CNTN4: variants seen among roughly 807,000 people sequenced by gnomAD.
CNTN4 encodes contactin 4, also known as contactin-4.
CNTN4 carries 77 observed loss-of-function variants against 122.5 expected under a neutral mutation model. The observed-to-expected ratio is 0.63, with a 90% CI of 0.52 to 0.76. The LOEUF is 0.76. CNTN4 is among the 30% of genes least tolerant of loss of function. The pLI is 0.00. For synonymous variants in CNTN4, 512 were observed against 447.0 expected, an observed-to-expected ratio of 1.15 and a Z score of -1.83; for missense variants, 1,256 against 1,259.1, an observed-to-expected ratio of 1.00 and a Z score of 0.04.
At chr3:2,803,878 C>A (rs1300027598) in intron 6 of CNTN4, among the ~76,000 whole-genome samples, 1 of 151,904 alleles carries the variant, frequency 6.6e-6, no homozygotes, top group Non-Finnish European at 1.5e-5. Flanking sequence ...TTATGAAGAA[C>A]CGTTACCACA....
chr3:3,018,450 C>G (rs1304459166), intron 14 of CNTN4, among the ~76,000 whole-genome samples: 1 of 152,154 alleles, frequency 6.6e-6, no homozygotes, highest in Admixed American at 6.5e-5. Flanking sequence ...GAGCAACCCT[C>G]CCTTTCCTGT....
chr3:2,371,525 C>A (rs568300563), intron 3 of CNTN4, among the ~76,000 whole-genome samples: 25 of 152,260 alleles, frequency 1.6e-4, no homozygotes, highest in Non-Finnish European at 2.9e-4. Context: ...TTGTCCGTAT[C>A]GTTCAAAGAT....
chr3:2,413,792 C>T (rs559909239), intron 3 of CNTN4, among the ~76,000 whole-genome samples: 6 of 152,260 alleles, frequency 3.9e-5, no homozygotes, highest in South Asian at 2.1e-4. Flanking sequence ...CCACCTGCCT[C>T]GGCCTCCCAA....
At chr3:2,416,707 G>A (rs972354852) in intron 3 of CNTN4, among the ~76,000 whole-genome samples, 1 of 152,064 alleles carries the variant, frequency 6.6e-6, no homozygotes, top group Non-Finnish European at 1.5e-5. Flanking sequence ...AGGCTGGAGT[G>A]CAGTGGTGTG....
intron 13 of CNTN4, among the ~76,000 whole-genome samples, chr3:2,954,752 A>G (rs776730471): frequency 6.6e-6 from 1 of 152,052 alleles, no homozygotes; most frequent in Non-Finnish European, 1.5e-5. Context: ...ACAGGTTACC[A>G]CAATTCCATA....
At chr3:2,402,001 G>C (rs1431194899) in intron 3 of CNTN4, among the ~76,000 whole-genome samples, 1 of 152,132 alleles carries the variant, frequency 6.6e-6, no homozygotes, top group Non-Finnish European at 1.5e-5. Flanking sequence ...CTGCTGGACT[G>C]TAGTCTAATA....
At chr3:2,196,566 T>G (rs1381811408) in intron 2 of CNTN4, among the ~76,000 whole-genome samples, 1 of 152,134 alleles carries the variant, frequency 6.6e-6, no homozygotes, top group Non-Finnish European at 1.5e-5. Context: ...TTTTCCACAA[T>G]TTTTGTTGGT....
intron 2 of CNTN4, among the ~76,000 whole-genome samples, chr3:2,111,283 C>A (rs984879463): frequency 6.6e-6 from 1 of 152,052 alleles, no homozygotes; most frequent in African/African-American, 2.4e-5. Context: ...TGAAATTCAC[C>A]AGCATATTGT....
intron 3 of CNTN4, among the ~76,000 whole-genome samples, chr3:2,556,559 A>G (rs1190072494): frequency 6.6e-6 from 1 of 152,088 alleles, no homozygotes; most frequent in African/African-American, 2.4e-5. Flanking sequence ...TCTTCCACAC[A>G]ACAAATTATA....
intron 2 of CNTN4, among the ~76,000 whole-genome samples, chr3:2,159,013 G>A (rs1472649986): frequency 6.6e-6 from 1 of 152,120 alleles, no homozygotes; most frequent in Non-Finnish European, 1.5e-5. Flanking sequence ...GAGGTCTAGT[G>A]TATGAAGTTG....
At chr3:2,523,034 A>C (rs2077275208) in intron 3 of CNTN4, among the ~76,000 whole-genome samples, 1 of 152,032 alleles carries the variant, frequency 6.6e-6, no homozygotes, top group South Asian at 2.1e-4. Context: ...CTGACATCTG[A>C]GTCTTGTAGA....
chr3:2,355,362 A>G (rs147911684), intron 3 of CNTN4, among the ~76,000 whole-genome samples: 86 of 152,324 alleles, frequency 5.6e-4, no homozygotes, highest in African/African-American at 1.9e-3. Flanking sequence ...ATGTCATTGC[A>G]CACATTTGAT....
intron 4 of CNTN4, among the ~76,000 whole-genome samples, chr3:2,656,714 T>G (rs1036914586): frequency 4.6e-5 from 7 of 152,244 alleles, no homozygotes; most frequent in African/African-American, 1.7e-4. Context: ...TACTAGCTTA[T>G]GTACAAAAAT....
At chr3:2,134,593 A>C (rs557380531) in intron 2 of CNTN4, among the ~76,000 whole-genome samples, 328 of 152,304 alleles carry the variant, frequency 2.2e-3, no homozygotes, top group African/African-American at 7.6e-3. Context: ...AGTGGTTCCC[A>C]ACTAGGGGCA....
intron 4 of CNTN4, among the ~76,000 whole-genome samples, chr3:2,689,178 A>G (rs180704128): frequency 2.6e-4 from 40 of 152,276 alleles, no homozygotes; most frequent in Admixed American, 1.9e-3. Context: ...TTGCTTTGCT[A>G]TTCTTATGGG....
At chr3:2,603,625 G>A (rs2149766115) in intron 4 of CNTN4, among the ~76,000 whole-genome samples, 1 of 152,306 alleles carries the variant, frequency 6.6e-6, no homozygotes, top group Admixed American at 6.5e-5. Flanking sequence ...ATGGCTTAAA[G>A]ATTTTTTGCC....
At chr3:2,229,069 A>G (rs2039390481) in intron 2 of CNTN4, among the ~76,000 whole-genome samples, 1 of 152,152 alleles carries the variant, frequency 6.6e-6, no homozygotes, top group Admixed American at 6.5e-5. Context: ...GAATTGGCCT[A>G]TAGGGACTTT....
intron 9 of CNTN4, among the ~76,000 whole-genome samples, chr3:2,884,127 C>T (rs1381671458): frequency 6.6e-6 from 1 of 151,614 alleles, no homozygotes; most frequent in Non-Finnish European, 1.5e-5. Context: ...TCGGTAGAGG[C>T]AGGATCTGCG....
chr3:2,956,271 C>G (rs1202682829), intron 13 of CNTN4, among the ~76,000 whole-genome samples: 1 of 151,954 alleles, frequency 6.6e-6, no homozygotes, highest in African/African-American at 2.4e-5. Flanking sequence ...ATAATGGTTA[C>G]AAGGTGATGG....
Sources: allele counts gnomAD v4.1 joint callset (sites outside exome capture counted in the v4.1 genomes callset), GRCh38; gene constraint gnomAD v4.1.1; transcripts MANE v1.5; gene names NCBI Gene and HGNC (gene_info 2026-07-23, HGNC 2026-07-21).